The following TBL1Y variants were observed in gnomAD, a reference collection of about 807,000 sequenced individuals.
TBL1Y encodes the protein transducin beta like 1 Y-linked, also known as F-box-like/WD repeat-containing protein TBL1Y.
A neutral mutation model predicts 12.0 loss-of-function variants in TBL1Y; 15 were observed. The ratio of observed to expected loss-of-function variants is 1.25; its 90% confidence interval spans 0.83 to 1.92. TBL1Y has a LOEUF of 1.92. Among genes scored for constraint, TBL1Y ranks in the 40% most tolerant of loss-of-function variants. The pLI is 0.00. For synonymous variants in TBL1Y, 53 were observed against 42.6 expected (o/e 1.24, Z -0.95); for missense variants, 148 against 116.7 (o/e 1.27, Z -1.24).
At chrY:6,964,864 A>G in intron 2 of TBL1Y, among the ~76,000 whole-genome samples, 3 of 32,061 alleles carry the variant, frequency 9.4e-5, no homozygotes. Flanking sequence ...GGGAACTGCC[A>G]TGCCTCAAGA....
intron 2 of TBL1Y, among the ~76,000 whole-genome samples, chrY:6,925,410 T>C: frequency 3.0e-5 from 1 of 33,116 alleles, no homozygotes; most frequent in Non-Finnish European, 7.4e-5. Context: ...TGTTCGCTGA[T>C]AGTGAGTTTT....
chrY:6,948,655 A>T (rs2012002051), intron 2 of TBL1Y, among the ~76,000 whole-genome samples: 1 of 27,112 alleles, frequency 3.7e-5, no homozygotes, highest in African/African-American at 1.5e-4. Flanking sequence ...AGCCTGGGGG[A>T]AAGTGCTTGA....
chrY:6,919,360 CA>C (rs2011760756), intron 2 of TBL1Y: 1 of 33,259 alleles, frequency 3.0e-5, no homozygotes. Context: ...CTATCCTCCA[CA>C]GCATGTTTCT....
intron 7 of TBL1Y, among the ~76,000 whole-genome samples, chrY:7,052,849 A>C: frequency 2.9e-5 from 1 of 34,634 alleles, no homozygotes; most frequent in Non-Finnish European, 7.2e-5. Flanking sequence ...CTAAGAACAT[A>C]AAGTACATTG....
At chrY:7,006,707 T>C (rs2012488196) in intron 4 of TBL1Y, among the ~76,000 whole-genome samples, 1 of 32,777 alleles carries the variant, frequency 3.1e-5, no homozygotes, top group African/African-American at 1.2e-4. Flanking sequence ...CACAACCTAC[T>C]CATCTGACAA....
chrY:6,961,151 G>C, intron 2 of TBL1Y, among the ~76,000 whole-genome samples: 5 of 33,463 alleles, frequency 1.5e-4, no homozygotes, highest in Non-Finnish European at 3.7e-4. Flanking sequence ...GGTGGGAAAG[G>C]CACATAGGCC....
At chrY:6,965,873 CAGAT>C (rs2012165132) in intron 2 of TBL1Y, among the ~76,000 whole-genome samples, 1 of 33,652 alleles carries the variant, frequency 3.0e-5, no homozygotes, top group African/African-American at 1.2e-4. Context: ...TCCCAGGTCA[CAGAT>C]AGGTGAGACA....
At chrY:7,031,123 T>C in intron 6 of TBL1Y, among the ~76,000 whole-genome samples, 1 of 33,468 alleles carries the variant, frequency 3.0e-5, no homozygotes, top group Non-Finnish European at 7.4e-5. Flanking sequence ...AGTACTTCTC[T>C]CTGGTGATGA....
chrY:6,960,497 G>A, intron 2 of TBL1Y, among the ~76,000 whole-genome samples: 2 of 33,093 alleles, frequency 6.0e-5, no homozygotes, highest in Admixed American at 5.5e-4. Context: ...TTTGGTCGGG[G>A]TGAAGAAATC....
intron 6 of TBL1Y, among the ~76,000 whole-genome samples, chrY:7,026,791 A>G (rs780910605): frequency 2.9e-5 from 1 of 34,232 alleles, no homozygotes; most frequent in African/African-American, 1.1e-4. Context: ...GACCTTGGCA[A>G]ATGTCAACTT....
At chrY:6,968,120 C>A in intron 2 of TBL1Y, among the ~76,000 whole-genome samples, 1 of 33,192 alleles carries the variant, frequency 3.0e-5, no homozygotes, top group South Asian at 7.1e-4. Flanking sequence ...GATAAGGGAC[C>A]AACCTAATGA....
At chrY:7,046,762 T>C (rs760785104) in intron 7 of TBL1Y, among the ~76,000 whole-genome samples, 1 of 33,936 alleles carries the variant, frequency 2.9e-5, no homozygotes, top group Non-Finnish European at 7.3e-5. Context: ...CTTACCTGCA[T>C]TAGGCCTTTA....
At chrY:7,019,736 C>T (rs2012571955) in intron 4 of TBL1Y, among the ~76,000 whole-genome samples, 3 of 33,615 alleles carry the variant, frequency 8.9e-5, no homozygotes, top group African/African-American at 3.5e-4. Flanking sequence ...TGGTCTCTAC[C>T]AGTTCACTCT....
At chrY:6,944,919 C>CT (rs2011973897) in intron 2 of TBL1Y, among the ~76,000 whole-genome samples, 1 of 32,466 alleles carries the variant, frequency 3.1e-5, no homozygotes, top group Admixed American at 2.8e-4. Flanking sequence ...TGTTTTAAAC[C>CT]TTTTTTCCTT....
chrY:6,956,073 A>G (rs2012067682), intron 2 of TBL1Y, among the ~76,000 whole-genome samples: 1 of 33,397 alleles, frequency 3.0e-5, no homozygotes, highest in South Asian at 6.9e-4. Flanking sequence ...AAAATTATAC[A>G]CTTGGTCTGT....
At chrY:7,031,695 A>T (rs2012657012) in intron 6 of TBL1Y, among the ~76,000 whole-genome samples, 1 of 33,749 alleles carries the variant, frequency 3.0e-5, no homozygotes, top group Non-Finnish European at 7.3e-5. Flanking sequence ...GACAGAGGAA[A>T]TTCCATCAAA....
Position 7,087,384 on chromosome Y carries a change from C to G in TBL1Y, c.1398C>G (p.Tyr466Ter). Reference protein sequence around the residue: ...YSVAFSPDGKYLASGSFDKYV... With the variant: ...YSVAFSPDGK ...TAGCTTTCAGCCCCGATGGAAAGTACTTGGCTAGTGGATCCTTTGACAAGT... is the reference window on the plus strand; with the variant it reads ...TAGCTTTCAGCCCCGATGGAAAGTAGTTGGCTAGTGGATCCTTTGACAAGT... Residue 466 changes from tyrosine (Y) to a stop codon, truncating the protein, a stop_gained, in exon 17 of 19, where the codon TAC becomes TAG. Coordinates refer to ENST00000383032, the MANE Select transcript of TBL1Y (RefSeq NM_033284.2). LOFTEE classifies it high-confidence loss of function. 2.5e-6 allele frequency: 1 copy of G among 396,263 alleles called. No homozygotes were observed. The highest frequency in any genetic ancestry group is 3.5e-6 in the Non-Finnish European group (1 of 282,456).
At chrY:7,061,149 A>G in intron 7 of TBL1Y, among the ~76,000 whole-genome samples, 1 of 15,653 alleles carries the variant, frequency 6.4e-5, no homozygotes, top group African/African-American at 2.7e-4. Context: ...GGTGAGGTGT[A>G]CTTACAATGA....
At chrY:6,954,874 C>G in intron 2 of TBL1Y, among the ~76,000 whole-genome samples, 1 of 33,715 alleles carries the variant, frequency 3.0e-5, no homozygotes, top group Non-Finnish European at 7.3e-5. Context: ...AAAATTTGCT[C>G]TAATGTCAGT....
Sources: allele counts gnomAD v4.1 joint callset (sites outside exome capture counted in the v4.1 genomes callset), GRCh38; gene constraint gnomAD v4.1.1; transcripts MANE v1.5; gene names NCBI Gene and HGNC (gene_info 2026-07-23, HGNC 2026-07-21).